SLC38A2: variants seen among roughly 807,000 people sequenced by gnomAD.
SLC38A2 encodes the protein sodium-coupled neutral amino acid symporter 2.
SLC38A2 carries 11 observed loss-of-function variants against 61.5 expected under a neutral mutation model. The observed-to-expected ratio is 0.18, with a 90% CI of 0.11 to 0.30. SLC38A2 has a LOEUF of 0.30. Among genes scored for constraint, SLC38A2 ranks in the 10% least tolerant of loss-of-function variants. SLC38A2 has a pLI of 1.00. For synonymous variants in SLC38A2, 217 were observed against 212.5 expected (o/e 1.02, Z -0.18); for missense variants, 522 against 600.4 (o/e 0.87, Z 1.36).
chr12:46,364,180 T>C (rs996686038), intron 10 of SLC38A2, among the ~76,000 whole-genome samples, 177 bp from the exon 11 acceptor site: 3 of 152,120 alleles, frequency 2.0e-5, no homozygotes, highest in Non-Finnish European at 4.4e-5. Flanking sequence ...CACTTCTGAA[T>C]GTGTCAATTA....
intron 8 of SLC38A2, 162 bp from the exon 9 acceptor site, chr12:46,364,864 T>G (rs1009850981): frequency 5.8e-6 from 4 of 689,206 alleles, no homozygotes; most frequent in African/African-American, 3.7e-5. Context: ...AATTATAGAT[T>G]TATTTAAATA....
In SLC38A2 at chr12:46,362,400, G is replaced by A. The variant is rs750550351; in HGVS notation, c.1325-19C>T. 3.1e-6 allele frequency: 5 copies of A among 1,601,472 alleles called. No homozygotes were observed. The East Asian group carries it at 1.1e-4, about 36-fold the overall frequency. On this transcript the variant is annotated intron_variant, in intron 14 of 15. Coordinates refer to ENST00000256689, the MANE Select transcript of SLC38A2 (RefSeq NM_018976.5). ...GATGCACCTGTAAAACAACATTTAT[G>A]TTTCTTGAGGATTCAATGAACCACT...
Position 46,370,847 on chromosome 12 carries a change from C to G in SLC38A2, c.127G>C (p.Asp43His), listed in dbSNP as rs61761951. ...KQAALKSHYA[D>H]VDPENQNFLL... The stretch of plus-strand genomic sequence containing the variant: ...AAGTTCTGGTTTTCAGGATCTACAT[C>G]TGCATAATGGCTGCAAAAAATATAG... The change falls in exon 3 of 16, where the codon GAT becomes CAT. Residue 43 changes from aspartate to histidine, a missense_variant. Coordinates refer to ENST00000256689, the MANE Select transcript of SLC38A2 (RefSeq NM_018976.5). 1.2e-6 allele frequency: 2 copies of G among 1,610,224 alleles called. No homozygotes were observed. Among genetic ancestry groups the G allele is most frequent in the Non-Finnish European group, 1.7e-6 (2 of 1,178,440 alleles).
intron 9 of SLC38A2, 36 bp from the exon 10 acceptor site, chr12:46,364,592 T>A: frequency 6.3e-7 from 1 of 1,597,686 alleles, no homozygotes. Context: ...TTAAACTAAG[T>A]GACATGGCAG....
chr12:46,371,641 T>C (rs993953003), intron 1 of SLC38A2: 17 of 261,204 alleles, frequency 6.5e-5, no homozygotes, highest in African/African-American at 3.7e-4. Context: ...ACCCTCTCTA[T>C]TGTCCCTCGT....
In SLC38A2 at chr12:46,371,233, T is replaced by A. The variant is rs138878722; in HGVS notation, c.61A>T (p.Ser21Cys). The change falls in exon 2 of 16, where the codon AGT becomes TGT. Residue 21 changes from serine (S) to cysteine (C), a missense_variant. Physicochemically the swap from Ser to Cys is moderately radical, Grantham distance 112 (BLOSUM62 -1). This residue lies in a region of SLC38A2 where 102 missense variants were observed against 83.1 expected (regional missense o/e 1.23). Transcript: ENST00000256689. Reference protein sequence around the residue: ...ISPDEDSSSYSSNSDFNYSYP... With the variant: ...ISPDEDSSSYCSNSDFNYSYP... The stretch of plus-strand genomic sequence containing the variant: ...GAGTAGTTGAAGTCGCTGTTGGAAC[T>A]GTAGCTGCTGCTGTCTTCATCCGGG... 6.2e-7 allele frequency: 1 copy of A among 1,614,272 alleles called. No individual in the cohort carries two copies. Among genetic ancestry groups the A allele is most frequent in the Non-Finnish European group, 8.5e-7 (1 of 1,180,044 alleles).
chr12:46,367,243 G>A, intron 5 of SLC38A2, 24 bp downstream of exon 5: 1 of 1,585,132 alleles, frequency 6.3e-7, no homozygotes, highest in Non-Finnish European at 8.7e-7. Context: ...CATTGTTTTA[G>A]AAAAATCAAG....
Position 46,365,138 on chromosome 12 carries a change from G to A in SLC38A2, c.615C>T (p.Val205=), listed in dbSNP as rs753125374. Reference sequence around the variant, plus strand: ...TTCTAAACAGCGACAAAGGAAGAATGACCACCAATGACACCAACAGAACCA... The same window carrying A: ...TTCTAAACAGCGACAAAGGAAGAATAACCACCAATGACACCAACAGAACCA... ...NYLVLLVSLV[V]ILPLSLFRNL... is the part of the protein sequence containing the mutation. Residue 205 remains valine, a synonymous_variant, in exon 8 of 16, where the codon GTC becomes GTT. Coordinates refer to ENST00000256689, the MANE Select transcript of SLC38A2 (RefSeq NM_018976.5). 2 of 1,613,280 alleles carry A rather than the reference G, an allele frequency of 1.2e-6. No individual in the cohort carries two copies. The highest frequency in any genetic ancestry group is 1.7e-6 in the Non-Finnish European group (2 of 1,179,576).
intron 13 of SLC38A2, 79 bp from the exon 14 acceptor site, chr12:46,362,717 A>G: frequency 7.1e-7 from 1 of 1,404,546 alleles, no homozygotes; most frequent in East Asian, 2.6e-5. Flanking sequence ...ATGAATGAAA[A>G]GAATGCCCAA....
rs1453618950 is a variant in SLC38A2 at position 46,359,303 on chromosome 12, G to C, written c.*1808C>G. On this transcript the variant is annotated 3_prime_UTR_variant, in exon 16 of 16. Transcript: ENST00000256689. ...TCTTCCCACTGCCTTTCTATTTCTA[G>C]ATGGCCCCCAATTATTTTATCTTCA... 1 of 152,550 alleles carries C rather than the reference G, an allele frequency of 6.6e-6. No individual in the cohort carries two copies. The highest frequency in any genetic ancestry group is 6.6e-5 in the Admixed American group (1 of 15,264). 9.4% of individuals were successfully genotyped at this position (152,550 alleles called of 1,614,324 possible). A position where few individuals can be genotyped will look rare whatever the true frequency, so the allele number is the denominator to read the frequency against.
At chr12:46,371,664 G>C (rs978523995) in intron 1 of SLC38A2, 1 of 230,798 alleles carries the variant, frequency 4.3e-6, no homozygotes, top group African/African-American at 2.4e-5. Context: ...GAGTGGAGGG[G>C]GCGAGGGGGG....
At position 46,365,566 on chromosome 12, in the gene SLC38A2, T is replaced by C. The variant is rs538044611; in HGVS notation, c.564-377A>G. Among the ~76,000 whole-genome samples, 45 of 152,180 alleles carry C rather than the reference T, an allele frequency of 3.0e-4. 1 individual carries two copies. The highest frequency in any genetic ancestry group is 5.2e-4 in the Admixed American group (8 of 15,276). On this transcript the variant is annotated intron_variant, in intron 7 of 15. Transcript: ENST00000256689. ...CAGAAAAATTGTACACCAACTTTGG[T>C]ACAGCTTTAGCATGTAATTTCTAAT...
At chr12:46,362,784 C>T (rs1380397200) in intron 13 of SLC38A2, 146 bp from the exon 14 acceptor site, 4 of 1,016,316 alleles carry the variant, frequency 3.9e-6, no homozygotes, top group Non-Finnish European at 5.5e-6. Context: ...GTGCCTCTTT[C>T]TCTGCTGTTT....
Position 46,359,267 on chromosome 12 carries a change from C to T in SLC38A2, c.*1844G>A, listed in dbSNP as rs1943055925. 1 of 152,518 alleles carries T rather than the reference C, an allele frequency of 6.6e-6. No homozygotes were observed. The highest frequency in any genetic ancestry group is 1.5e-5 in the Non-Finnish European group (1 of 68,014). The allele number at this position is 152,518 out of a possible 1,614,324, so 9.4% of individuals were successfully genotyped here. A position where few individuals can be genotyped will look rare whatever the true frequency, so the allele number is the denominator to read the frequency against. On this transcript the variant is annotated 3_prime_UTR_variant, in exon 16 of 16. Coordinates refer to ENST00000256689, the MANE Select transcript of SLC38A2 (RefSeq NM_018976.5). ...AAGCCCAATTAAATGAAAGCAGTGC[C>T]GTAGAATCTGTCTTCCCACTGCCTT...
At position 46,362,524 on chromosome 12, in the gene SLC38A2, G is replaced by A; in HGVS notation, c.1294C>T (p.Pro432Ser). The A allele has an allele frequency of 1.3e-6, 2 of 1,598,292 alleles. No homozygotes were observed. Among genetic ancestry groups the A allele is most frequent in the East Asian group, 2.2e-5 (1 of 44,700 alleles). Reference sequence around the variant, plus strand: ...AAACCAAAGATATCCCTAATAGTTGGGACAAAGATGACAAGTAAATTGGTA... The same window carrying A: ...AAACCAAAGATATCCCTAATAGTTGAGACAAAGATGACAAGTAAATTGGTA... ...AFTNLLVIFV[P>S]TIRDIFGFIG... is the part of the protein sequence containing the mutation. Residue 432 changes from proline to serine, a missense_variant, in exon 14 of 16, where the codon CCA becomes TCA. Pro to Ser is a moderately conservative substitution (Grantham distance 74). Transcript: ENST00000256689.
In SLC38A2 at chr12:46,365,188, A is replaced by G; in HGVS notation, c.565T>C (p.Leu189=). The G allele has an allele frequency of 6.2e-7, 1 of 1,612,734 alleles. No homozygotes were observed. Among genetic ancestry groups the G allele is most frequent in the African/African-American group, 1.3e-5 (1 of 74,986 alleles). ...AAATAGTTCCCGTTCAGATACCACA[A>G]TCTAAAGAAAACAGAAACAAGGTCA... The part of the protein sequence containing the change: ...ALTNIEDKTG[L]WYLNGNYLVL... Residue 189 remains leucine, a splice_region_variant and synonymous_variant, in exon 8 of 16, where the codon TTG becomes CTG. Transcript: ENST00000256689.
In SLC38A2 at chr12:46,367,280, A is replaced by G. The variant is rs1943148962; in HGVS notation, c.375T>C (p.Thr125=). The change falls in exon 5 of 16, where the codon ACT becomes ACC. Residue 125 remains threonine, a synonymous_variant. Coordinates refer to ENST00000256689, the MANE Select transcript of SLC38A2 (RefSeq NM_018976.5). The part of the protein sequence containing the change: ...SLYSVHLLLK[T]ANEGGSLLYE... Reference sequence around the variant, plus strand: ...ATGCTATCATACCTCCTTCATTGGCAGTCTTCAAAAGGAGATGAACAGAAT... The same window carrying G: ...ATGCTATCATACCTCCTTCATTGGCGGTCTTCAAAAGGAGATGAACAGAAT... The G allele has an allele frequency of 1.3e-6, 2 of 1,597,984 alleles. No individual in the cohort carries two copies. The highest frequency in any genetic ancestry group is 1.7e-6 in the Non-Finnish European group (2 of 1,165,548).
rs1462920538 is a variant in SLC38A2 at position 46,370,578 on chromosome 12, G to A, written c.248C>T (p.Ala83Val). ...FGMSVFNLSNAIVGSGILGLS... is the reference protein window; with the variant it reads ...FGMSVFNLSNVIVGSGILGLS... ...CCCAAGGATTCCACTGCCCACAATCGCATTGCTCAGATTAAATACTGACAT... is the reference window on the plus strand; with the variant it reads ...CCCAAGGATTCCACTGCCCACAATCACATTGCTCAGATTAAATACTGACAT... The change falls in exon 4 of 16, where the codon GCG becomes GTG. Residue 83 changes from alanine (A) to valine (V), a missense_variant. Around this residue, in one of 3 missense-constraint regions of SLC38A2, gnomAD observed 111 missense variants for 173.4 expected, o/e 0.64. Transcript: ENST00000256689. 6.2e-7 allele frequency: 1 copy of A among 1,614,070 alleles called. No homozygotes were observed. Among genetic ancestry groups the A allele is most frequent in the Non-Finnish European group, 8.5e-7 (1 of 1,179,962 alleles).
intron 8 of SLC38A2, 147 bp downstream of exon 8, chr12:46,364,960 G>T: frequency 2.6e-6 from 2 of 769,502 alleles, no homozygotes; most frequent in Admixed American, 2.9e-5. Flanking sequence ...AAATATTTTG[G>T]CTCCTAAATT....
Sources: allele counts gnomAD v4.1 joint callset (sites outside exome capture counted in the v4.1 genomes callset), GRCh38; gene constraint gnomAD v4.1.1; regional missense constraint gnomAD v4.1.1; transcripts MANE v1.5; gene names NCBI Gene and HGNC (gene_info 2026-07-23, HGNC 2026-07-21).